Variants in CPAMD8 observed in about 807,000 individuals in gnomAD.
CPAMD8 encodes C3 and PZP like alpha-2-macroglobulin domain containing 8, also known as C3 and PZP-like alpha-2-macroglobulin domain-containing protein 8.
A neutral mutation model predicts 224.7 loss-of-function variants in CPAMD8; 146 were observed. The ratio of observed to expected loss-of-function variants is 0.65; its 90% CI spans 0.57 to 0.75. The LOEUF (loss-of-function observed/expected upper bound fraction) is 0.75. CPAMD8 is among the 30% of genes least tolerant of loss of function. CPAMD8 has a pLI of 0.00. For synonymous variants in CPAMD8, 966 were observed against 1,044.6 expected, an observed-to-expected ratio of 0.92 and a Z score of 1.45; for missense variants, 2,301 against 2,537.5, an observed-to-expected ratio of 0.91 and a Z score of 2.00.
chr19:17,018,756 A>AC (rs2056877979), intron 3 of CPAMD8, among the ~76,000 whole-genome samples: 4 of 148,268 alleles, frequency 2.7e-5, no homozygotes, highest in African/African-American at 9.9e-5. Flanking sequence ...ACACACACAC[A>AC]AAATTAGCCA....
intron 13 of CPAMD8, among the ~76,000 whole-genome samples, chr19:16,982,636 A>C (rs921169448): frequency 1.3e-5 from 2 of 151,930 alleles, no homozygotes; most frequent in African/African-American, 4.8e-5. Flanking sequence ...GGAGTTCAAG[A>C]CCAGCCTGAA....
Position 16,925,266 on chromosome 19 carries a change from C to T in CPAMD8, c.3477G>A (p.Leu1159=). The change falls in exon 26 of 42, where the codon TTG becomes TTA. Residue 1159 remains leucine, a synonymous_variant. Transcript: ENST00000443236. ...GCTGCTGGGTTTTCTGAAGATACTTCAAGACAAAGACGTTGGGTGCAAAGT... is the reference window on the plus strand; with the variant it reads ...GCTGCTGGGTTTTCTGAAGATACTTTAAGACAAAGACGTTGGGTGCAAAGT... The part of the protein sequence containing the change: ...MIHFAPNVFV[L]KYLQKTQQLS... 1 of 1,614,246 alleles carries T rather than the reference C, an allele frequency of 6.2e-7. No homozygotes were observed. The highest frequency in any genetic ancestry group is 8.5e-7 in the Non-Finnish European group (1 of 1,180,048).
intron 13 of CPAMD8, among the ~76,000 whole-genome samples, chr19:16,983,932 C>T (rs936854758): frequency 2.0e-5 from 3 of 152,114 alleles, no homozygotes; most frequent in African/African-American, 7.2e-5. Flanking sequence ...GGAGGACTCA[C>T]ACTTCCTAAT....
intron 29 of CPAMD8, among the ~76,000 whole-genome samples, chr19:16,909,098 G>C (rs1206336767): frequency 6.6e-6 from 1 of 152,184 alleles, no homozygotes; most frequent in Non-Finnish European, 1.5e-5. Context: ...AGGTGTAGCG[G>C]GTTGAACGGT....
chr19:16,896,387 G>C, intron 40 of CPAMD8, 61 bp from the exon 41 acceptor site: 1 of 1,523,510 alleles, frequency 6.6e-7, no homozygotes, highest in Non-Finnish European at 8.8e-7. Flanking sequence ...AGGGCCGAGG[G>C]GAGGAGATCC....
At chr19:16,948,862 GAAA>G (rs1324497758) in intron 20 of CPAMD8, among the ~76,000 whole-genome samples, 7 of 70,384 alleles carry the variant, frequency 9.9e-5, no homozygotes, top group African/African-American at 2.9e-4. Flanking sequence ...GGAAGGGAGG[GAAA>G]GGAAAGGGAA....
intron 12 of CPAMD8, among the ~76,000 whole-genome samples, chr19:16,992,502 G>A (rs1345747327): frequency 2.0e-5 from 3 of 151,990 alleles, no homozygotes; most frequent in Admixed American, 6.6e-5. Flanking sequence ...CCTAGGCTGG[G>A]GTGCAGTGGC....
chr19:16,902,691 T>G lies in CPAMD8; in HGVS notation c.4643A>C (p.Gln1548Pro), dbSNP rs1329586649. 6.2e-7 allele frequency: 1 copy of G among 1,609,578 alleles called. No individual in the cohort carries two copies. The highest frequency in any genetic ancestry group is 8.5e-7 in the Non-Finnish European group (1 of 1,178,238). ...CATCACCTTGTATTCCTGGTGATGC[T>G]GATCGGCCGCTGGGTCATCATCGTC... ...PADDDDPAAD[Q>P]HHQEYKVMLE... is the part of the protein sequence containing the mutation. Residue 1548 changes from glutamine to proline, a missense_variant, in exon 35 of 42, where the codon CAG (glutamine) becomes CCG (proline). Gln to Pro is a moderately conservative substitution (Grantham distance 76, BLOSUM62 -1). This residue lies in a region of CPAMD8 where 1,709 missense variants were observed against 1,753.2 expected (regional missense o/e 0.97). Coordinates refer to ENST00000443236, the MANE Select transcript of CPAMD8 (RefSeq NM_015692.5).
Position 16,932,924 on chromosome 19 carries a change from A to G in CPAMD8, c.2846-3684T>C, listed in dbSNP as rs567533281. On this transcript the variant is annotated intron_variant, in intron 23 of 41. Coordinates refer to ENST00000443236, the MANE Select transcript of CPAMD8 (RefSeq NM_015692.5). Reference sequence around the variant, plus strand: ...CAAACTGTCAAAAGACAAAAATATCATTTTTTTCTTTTACTTTTTCTTTTC... The same window carrying G: ...CAAACTGTCAAAAGACAAAAATATCGTTTTTTTCTTTTACTTTTTCTTTTC... Among the ~76,000 whole-genome samples, 4 of 152,168 alleles carry G rather than the reference A, an allele frequency of 2.6e-5. No homozygotes were observed. In the South Asian group the frequency reaches 8.3e-4, roughly 32 times the overall value.
At chr19:16,955,754 G>T (rs1000597455) in intron 19 of CPAMD8, among the ~76,000 whole-genome samples, 1 of 152,124 alleles carries the variant, frequency 6.6e-6, no homozygotes, top group African/African-American at 2.4e-5. Context: ...TCGTGTCACT[G>T]CAGCCTCAAC....
At chr19:16,895,956 C>T (rs1308365624) in intron 41 of CPAMD8, 4 of 686,216 alleles carry the variant, frequency 5.8e-6, no homozygotes, top group East Asian at 2.8e-5. Context: ...CACAGCTGTT[C>T]GCTGGTGGGT....
In CPAMD8 at chr19:16,902,915, G is replaced by GT. The variant is rs1390541751; in HGVS notation, c.4471-53dup. The GT allele has an allele frequency of 3.3e-6, 4 of 1,211,106 alleles. No homozygotes were observed. In the African/African-American group the frequency reaches 6.1e-5, roughly 19 times the overall value. The allele number at this position is 1,211,106 out of a possible 1,614,324, so 75.0% of individuals were successfully genotyped here. Reference sequence around the variant, plus strand: ...TAGGGACCTGGGCCCTCCATAACAGGTGCAGGGTAGGGGAGGAGAAGGGCA... The same window carrying GT: ...TAGGGACCTGGGCCCTCCATAACAGGTTGCAGGGTAGGGGAGGAGAAGGGCA... On this transcript the variant is annotated intron_variant, in intron 34 of 41. Coordinates refer to ENST00000443236, the MANE Select transcript of CPAMD8 (RefSeq NM_015692.5).
chr19:16,961,075 G>A (rs2054636703), intron 18 of CPAMD8, among the ~76,000 whole-genome samples: 2 of 152,082 alleles, frequency 1.3e-5, no homozygotes, highest in African/African-American at 4.8e-5. Flanking sequence ...AACAGCTCCA[G>A]TCTGTAGCTC....
intron 17 of CPAMD8, among the ~76,000 whole-genome samples, chr19:16,971,776 G>C (rs2122649676): frequency 6.6e-6 from 1 of 152,316 alleles, no homozygotes; most frequent in Middle Eastern, 3.4e-3. Flanking sequence ...GCCAGGCATA[G>C]TGGCACATGC....
At position 17,022,062 on chromosome 19, in the gene CPAMD8, T is replaced by C. The variant is rs571877425; in HGVS notation, c.212A>G (p.Glu71Gly). 1.2e-5 allele frequency: 19 copies of C among 1,606,038 alleles called. No individual in the cohort carries two copies. Among genetic ancestry groups the C allele is most frequent in the Middle Eastern group, 4.1e-4 (2 of 4,896 alleles). ...TVQAQLVAQG[E>G]PVVQSQGAIL... ...GGCTCCCTGGCTCTGCACCACCGGC[T>C]CACCCTGGGCCACCAGCTGAGCCTG... The change falls in exon 2 of 42, where the codon GAG (glutamate) becomes GGG (glycine). Residue 71 changes from glutamate (E) to glycine (G), a missense_variant. Physicochemically the swap from Glu to Gly is moderately conservative, Grantham distance 98 (BLOSUM62 -2). Transcript: ENST00000443236.
Position 16,930,681 on chromosome 19 carries a change from C to T in CPAMD8, c.2846-1441G>A, listed in dbSNP as rs1039741792. ...AGCCATGGGAGAGCCCCTAGATCCT[C>T]GTGGGCCACAGACTAGCCTAGGGAG... On this transcript the variant is annotated intron_variant, in intron 23 of 41. Coordinates refer to ENST00000443236, the MANE Select transcript of CPAMD8 (RefSeq NM_015692.5). Among the ~76,000 whole-genome samples the T allele has an allele frequency of 4.6e-5, 7 of 152,064 alleles. No homozygotes were observed. In the South Asian group the frequency reaches 6.2e-4, roughly 14 times the overall value.
chr19:16,904,176 A>ACGGCCCCCCCCCCCCC, intron 32 of CPAMD8, 50 bp downstream of exon 32: 1 of 937,336 alleles, frequency 1.1e-6, no homozygotes, highest in Non-Finnish European at 1.7e-6. Context: ...GACTGCAGGG[A>ACGGCCCCCCCCCCCCC]CCCCACCCAC....
At position 16,906,374 on chromosome 19, in the gene CPAMD8, CTTTCTTTCT is replaced by C. The variant is rs2052496785; in HGVS notation, c.4027+569_4027+577del. 8.0e-4 allele frequency among the ~76,000 whole-genome samples: 75 copies of C among 93,696 alleles called. 2 individuals carry two copies. The highest frequency in any genetic ancestry group is 5.0e-3 in the South Asian group (13 of 2,618). 61.5% of individuals were successfully genotyped at this position (93,696 alleles called of 152,430 possible). A position where few individuals can be genotyped will look rare whatever the true frequency, so the allele number is the denominator to read the frequency against. ...TCTTTCTTTCTTTCTTTCTTTCTTT[CTTTCTTTCT>C]TTCTTTCTTTCTTTCTTTCTTTCTT... On this transcript the variant is annotated intron_variant, in intron 30 of 41. Transcript: ENST00000443236.
chr19:17,014,045 CTT>C (rs1491505761), intron 3 of CPAMD8, among the ~76,000 whole-genome samples: 25 of 117,318 alleles, frequency 2.1e-4, no homozygotes, highest in Admixed American at 8.0e-4. Flanking sequence ...CTTTCTTTCT[CTT>C]TCTCTTTCTT....
Sources: allele counts gnomAD v4.1 joint callset (sites outside exome capture counted in the v4.1 genomes callset), GRCh38; gene constraint gnomAD v4.1.1; regional missense constraint gnomAD v4.1.1; transcripts MANE v1.5; gene names NCBI Gene and HGNC (gene_info 2026-07-23, HGNC 2026-07-21).